The following UBE2D3 variants were observed in gnomAD, a reference collection of about 807,000 sequenced individuals.
UBE2D3 encodes ubiquitin-conjugating enzyme E2 D3.
In UBE2D3, 2 loss-of-function variants were observed where a neutral mutation model predicts 22.8. The ratio of observed to expected loss-of-function variants is 0.09; its 90% CI spans 0.04 to 0.28. UBE2D3 has a LOEUF of 0.28. Among genes scored for constraint, UBE2D3 ranks in the 10% least tolerant of loss-of-function variants. The probability of loss-of-function intolerance (pLI) is 1.00; values close to 1 mark genes in which losing one functional copy is unlikely to be tolerated. For synonymous variants in UBE2D3, 56 were observed against 60.4 expected, an observed-to-expected ratio of 0.93 and a Z score of 0.34; for missense variants, 27 against 182.5, an observed-to-expected ratio of 0.15 and a Z score of 4.91.
chr4:102,863,408 C>T (rs1367786532), intron 1 of UBE2D3, among the ~76,000 whole-genome samples: 5 of 152,098 alleles, frequency 3.3e-5, no homozygotes, highest in Non-Finnish European at 7.4e-5. Context: ...AACTAATTAT[C>T]ACAAGGACTA....
At position 102,796,713 on chromosome 4, in the gene UBE2D3, T is replaced by C. The variant is rs541070683; in HGVS notation, c.*702A>G. 7.2e-5 allele frequency: 11 copies of C among 152,558 alleles called. No individual in the cohort carries two copies. In the South Asian group the frequency reaches 8.3e-4, roughly 11 times the overall value. The allele number at this position is 152,558 out of a possible 1,614,324, so 9.5% of individuals were successfully genotyped here. On this transcript the variant is annotated 3_prime_UTR_variant, in exon 8 of 8. Coordinates refer to ENST00000453744, the MANE Select transcript of UBE2D3 (RefSeq NM_181891.3). ...CTATATTAAACAGTGTATTGGAAGA[T>C]AGATTAACTAATAGCTCCAAGCCTC... is the stretch of plus-strand genomic sequence containing the variant.
At chr4:102,838,907 G>A (rs145780543) in intron 1 of UBE2D3, among the ~76,000 whole-genome samples, 177 of 151,880 alleles carry the variant, frequency 1.2e-3, no homozygotes, top group African/African-American at 4.2e-3. Flanking sequence ...GATACAAGAG[G>A]AGAGTTTCTT....
In UBE2D3 at chr4:102,796,019, AATG is replaced by A. The variant is rs773501234; in HGVS notation, c.*1393_*1395del. On this transcript the variant is annotated 3_prime_UTR_variant, in exon 8 of 8. Coordinates refer to ENST00000453744, the MANE Select transcript of UBE2D3 (RefSeq NM_181891.3). ...TATTCATTCATGTTAAGTCACCTGA[AATG>A]ATATCTGTTGCATTTAAATGCTCAT... The A allele has an allele frequency of 3.3e-5, 5 of 152,580 alleles. No individual in the cohort carries two copies. In the East Asian group the frequency reaches 7.7e-4, roughly 24 times the overall value. 9.5% of individuals were successfully genotyped at this position (152,580 alleles called of 1,614,324 possible). A position where few individuals can be genotyped will look rare whatever the true frequency, so the allele number is the denominator to read the frequency against.
chr4:102,868,851 A>G, exon 1 of UBE2D3: 1 of 1,548,134 alleles, frequency 6.5e-7, no homozygotes, highest in South Asian at 1.1e-5. Context: ...GATTCCGAGG[A>G]GGGCCTCGCT....
intron 1 of UBE2D3, among the ~76,000 whole-genome samples, chr4:102,860,195 T>C (rs1003623064): frequency 2.0e-5 from 3 of 148,922 alleles, no homozygotes; most frequent in African/African-American, 4.9e-5. Context: ...CATTTGTTCA[T>C]GTATTGTTTT....
At chr4:102,840,759 C>T (rs775067819) in intron 1 of UBE2D3, among the ~76,000 whole-genome samples, 5 of 152,060 alleles carry the variant, frequency 3.3e-5, no homozygotes, top group Non-Finnish European at 5.9e-5. Context: ...GAGAAATATT[C>T]GAGGTGATGG....
At chr4:102,800,201 A>T (rs1463803661) in intron 6 of UBE2D3, among the ~76,000 whole-genome samples, 2 of 152,046 alleles carry the variant, frequency 1.3e-5, no homozygotes, top group Non-Finnish European at 2.9e-5. Flanking sequence ...GTTAAGATAT[A>T]AATGCTTGAA....
rs1465107102 is a variant in UBE2D3 at position 102,797,462 on chromosome 4, T to C, written c.399-2A>G. ...CATTCCCGAGATATTCTGTTGTACCTGTAAATAAAGATGTTATTTTTAAAA... is the reference window on the plus strand; with the variant it reads ...CATTCCCGAGATATTCTGTTGTACCCGTAAATAAAGATGTTATTTTTAAAA... On this transcript the variant is annotated splice_acceptor_variant, in intron 7 of 7. Transcript: ENST00000453744. LOFTEE classifies it high-confidence loss of function. The C allele has an allele frequency of 6.2e-7, 1 of 1,601,168 alleles. No individual in the cohort carries two copies. Among genetic ancestry groups the C allele is most frequent in the Non-Finnish European group, 8.5e-7 (1 of 1,172,322 alleles).
chr4:102,826,973 A>C, intron 1 of UBE2D3: 1 of 999,030 alleles, frequency 1.0e-6, no homozygotes, highest in Non-Finnish European at 1.2e-6. Context: ...TCACTAGGGC[A>C]AAGAAAGGCA....
intron 4 of UBE2D3, chr4:102,809,356 T>A: frequency 3.3e-6 from 1 of 301,694 alleles, no homozygotes; most frequent in Non-Finnish European, 6.5e-6. Context: ...AGTAACTTTG[T>A]CTCTATAAAT....
rs1459874928 is a variant in UBE2D3, at chr4:102,827,496, G to A, written c.-198C>T. The A allele has an allele frequency of 1.0e-6, 1 of 986,154 alleles. No homozygotes were observed. The highest frequency in any genetic ancestry group is 1.2e-6 in the Non-Finnish European group (1 of 830,188). 61.1% of individuals were successfully genotyped at this position (986,154 alleles called of 1,614,324 possible). On this transcript the variant is annotated 5_prime_UTR_variant, in exon 1 of 8. Transcript: ENST00000453744. The stretch of plus-strand genomic sequence containing the variant: ...CCGCGCGGCAGCTGGTGCCTCCCCG[G>A]CCCTACGGGGCTCACGCGCACGACA...
intron 1 of UBE2D3, among the ~76,000 whole-genome samples, chr4:102,839,389 C>A (rs1301899675): frequency 1.3e-5 from 2 of 152,108 alleles, no homozygotes; most frequent in African/African-American, 4.8e-5. Flanking sequence ...ACCTCAGCCA[C>A]CACCACCAAA....
At chr4:102,803,029 C>T (rs1726452832) in intron 4 of UBE2D3, among the ~76,000 whole-genome samples, 1 of 152,214 alleles carries the variant, frequency 6.6e-6, no homozygotes, top group South Asian at 2.1e-4. Context: ...AATGGCTTCA[C>T]AACAGTCCAT....
At chr4:102,823,235 T>C (rs1729913573) in intron 2 of UBE2D3, among the ~76,000 whole-genome samples, 1 of 152,212 alleles carries the variant, frequency 6.6e-6, no homozygotes, top group Non-Finnish European at 1.5e-5. Flanking sequence ...CTGTAGTTGT[T>C]AAGAGCACAT....
upstream of UBE2D3, among the ~76,000 whole-genome samples, chr4:102,830,945 T>G (rs1317980487): frequency 6.6e-6 from 1 of 152,210 alleles, no homozygotes; most frequent in East Asian, 1.9e-4. Flanking sequence ...CATGAATTTT[T>G]CAGTGAGGCC....
chr4:102,853,736 G>C (rs76718366), intron 1 of UBE2D3, among the ~76,000 whole-genome samples: 2 of 152,018 alleles, frequency 1.3e-5, no homozygotes, highest in African/African-American at 4.8e-5. Context: ...AGACTGAAAC[G>C]CAAAACATCT....
intron 1 of UBE2D3, among the ~76,000 whole-genome samples, chr4:102,838,719 A>G (rs1377089492): frequency 6.6e-6 from 1 of 151,598 alleles, no homozygotes; most frequent in African/African-American, 2.4e-5. Flanking sequence ...GGGGATACTA[A>G]TACAGTAGTT....
At chr4:102,825,790 C>T (rs1730367206) in intron 2 of UBE2D3, 1 of 459,296 alleles carries the variant, frequency 2.2e-6, no homozygotes, top group Non-Finnish European at 4.3e-6. Flanking sequence ...GAAAAGGGAG[C>T]TTCCAGAATG....
chr4:102,825,142 G>T (rs960973407), intron 2 of UBE2D3: 9 of 577,028 alleles, frequency 1.6e-5, no homozygotes, highest in Non-Finnish European at 2.0e-5. Flanking sequence ...GGCAAATGTA[G>T]TATCAGGTCT....
Sources: allele counts gnomAD v4.1 joint callset (sites outside exome capture counted in the v4.1 genomes callset), GRCh38; gene constraint gnomAD v4.1.1; transcripts MANE v1.5; gene names NCBI Gene and HGNC (gene_info 2026-07-23, HGNC 2026-07-21).